LOC728743: variants seen among roughly 807,000 people sequenced by gnomAD.
At chr7:150,409,770 C>G in the LOC728743 span, among the ~76,000 whole-genome samples, 1 of 152,088 alleles carries the variant, frequency 6.6e-6, no homozygotes, top group African/African-American at 2.4e-5. Context: ...CCTGCACATT[C>G]AGTCCTGTGC....
the LOC728743 span, among the ~76,000 whole-genome samples, chr7:150,406,505 C>A: frequency 6.6e-6 from 1 of 152,118 alleles, no homozygotes; most frequent in Non-Finnish European, 1.5e-5. Context: ...AAAGAGCTTT[C>A]AACAGTGAGA....
At chr7:150,405,186 C>G in the LOC728743 span, 1 of 152,306 alleles carries the variant, frequency 6.6e-6, no homozygotes. Context: ...GCAGCGCTGG[C>G]AGCCCCGTTT....
At chr7:150,404,555 T>C in the LOC728743 span, 1 of 152,200 alleles carries the variant, frequency 6.6e-6, no homozygotes, top group Admixed American at 6.5e-5. Context: ...GATCATAACA[T>C]GGAAAAGGGC....
At chr7:150,408,116 C>A in the LOC728743 span, 1 of 383,056 alleles carries the variant, frequency 2.6e-6, no homozygotes, top group Admixed American at 4.5e-5. Context: ...CTACTTCTGC[C>A]CCCGCTGCGG....
At chr7:150,412,128 C>T in the LOC728743 span, 2 of 152,306 alleles carry the variant, frequency 1.3e-5, no homozygotes, top group African/African-American at 4.8e-5. Flanking sequence ...GGGTCTAGCA[C>T]AGGACTGGGC....
chr7:150,404,929 T>G, the LOC728743 span: 1 of 152,278 alleles, frequency 6.6e-6, no homozygotes, highest in Non-Finnish European at 1.5e-5. Flanking sequence ...GCTCAGCCCA[T>G]GTCACCCGGG....
chr7:150,408,097 G>A, the LOC728743 span: 1 of 377,618 alleles, frequency 2.6e-6, no homozygotes, highest in Non-Finnish European at 4.7e-6. Flanking sequence ...TCTTCGGGGA[G>A]CGGCGGCCCT....
At chr7:150,403,140 A>G in the LOC728743 span, among the ~76,000 whole-genome samples, 1 of 152,094 alleles carries the variant, frequency 6.6e-6, no homozygotes, top group South Asian at 2.1e-4. The surrounding 1 kb of genome is among the most constrained non-coding windows in gnomAD (Gnocchi z 5.1). Context: ...TTGGCACTCT[A>G]TCGTGCTTGC....
At chr7:150,409,930 C>T in the LOC728743 span, among the ~76,000 whole-genome samples, 1 of 152,156 alleles carries the variant, frequency 6.6e-6, no homozygotes, top group Non-Finnish European at 1.5e-5. Context: ...ACAGGGGCTT[C>T]GGACACCTGG....
chr7:150,408,350 G>T, the LOC728743 span: 1 of 363,304 alleles, frequency 2.8e-6, no homozygotes, highest in Non-Finnish European at 4.9e-6. Flanking sequence ...CGCTGGCTTG[G>T]GCTCTTGAAG....
the LOC728743 span, chr7:150,401,046 G>A: frequency 1.9e-4 from 29 of 152,386 alleles, no homozygotes; most frequent in African/African-American, 6.7e-4. Context: ...TGGCCACGTG[G>A]TCACAGATGT....
chr7:150,408,391 G>C, the LOC728743 span: 2 of 361,210 alleles, frequency 5.5e-6, no homozygotes. Context: ...CCGGCCGCCC[G>C]CTCGCGTTCC....
chr7:150,410,399 C>G, the LOC728743 span: 1 of 386,252 alleles, frequency 2.6e-6, no homozygotes, highest in Non-Finnish European at 4.6e-6. Flanking sequence ...TGGTGGGAAT[C>G]ACAGCTGGGG....
the LOC728743 span, chr7:150,407,559 C>A: frequency 2.5e-6 from 1 of 398,262 alleles, no homozygotes; most frequent in Non-Finnish European, 4.4e-6. Context: ...ACCCCCCACC[C>A]CCGCCCCCGC....
the LOC728743 span, chr7:150,410,497 G>T: frequency 1.3e-5 from 4 of 313,636 alleles, no homozygotes; most frequent in Non-Finnish European, 1.7e-5. Flanking sequence ...TGGCTTCTCT[G>T]CTCCCGCCTG....
At chr7:150,410,051 G>A in the LOC728743 span, 1 of 398,350 alleles carries the variant, frequency 2.5e-6, no homozygotes, top group Non-Finnish European at 4.4e-6. Flanking sequence ...CCCTAGGACA[G>A]ATTCAGGGTA....
At chr7:150,405,524 G>C in the LOC728743 span, 1 of 150,514 alleles carries the variant, frequency 6.6e-6, no homozygotes, top group African/African-American at 2.4e-5. Context: ...CGCTGCGGCC[G>C]TGGGGGGTGG....
chr7:150,407,466 G>GAA, the LOC728743 span: 2 of 397,372 alleles, frequency 5.0e-6, no homozygotes, highest in African/African-American at 4.1e-5. Context: ...AAAACGGGGC[G>GAA]AAAGGTGGAG....
chr7:150,411,623 A>G, the LOC728743 span: 1 of 152,336 alleles, frequency 6.6e-6, no homozygotes, highest in African/African-American at 2.4e-5. Flanking sequence ...GCTGTCTTCG[A>G]TGCAGGTTGG....
Sources: allele counts gnomAD v4.1 joint callset (sites outside exome capture counted in the v4.1 genomes callset), GRCh38; gene constraint gnomAD v4.1.1; non-coding constraint Gnocchi (gnomAD v3.1); transcripts MANE v1.5.